The following RAP1A variants were observed in gnomAD, a reference collection of about 807,000 sequenced individuals.
The protein encoded by RAP1A is RAP1A, member of RAS oncogene family.
In RAP1A, 6 loss-of-function variants were observed where a neutral mutation model predicts 26.4. The observed-to-expected ratio is 0.23, with a 90% CI of 0.12 to 0.45. The LOEUF (loss-of-function observed/expected upper bound fraction) is 0.45, where lower values mean the gene tolerates loss of function less well. RAP1A is among the 20% of genes least tolerant of loss of function. The pLI is 0.99. For synonymous variants in RAP1A, 73 were observed against 79.4 expected (o/e 0.92, Z 0.43); for missense variants, 121 against 217.2 (o/e 0.56, Z 2.78).
intron 5 of RAP1A, among the ~76,000 whole-genome samples, chr1:111,704,118 T>C (rs190390984): frequency 1.1e-3 from 174 of 152,064 alleles, no homozygotes; most frequent in Middle Eastern, 0.01. Context: ...TTAAAATAAT[T>C]TGGCATATCT....
intron 1 of RAP1A, among the ~76,000 whole-genome samples, chr1:111,624,943 T>C (rs986572923): frequency 4.6e-5 from 7 of 152,218 alleles, no homozygotes; most frequent in Admixed American, 4.6e-4. Flanking sequence ...AAAAATTCTT[T>C]ATAAATCACT....
At chr1:111,645,499 A>G (rs952956342) in intron 1 of RAP1A, among the ~76,000 whole-genome samples, 5 of 152,218 alleles carry the variant, frequency 3.3e-5, no homozygotes, top group African/African-American at 1.2e-4. Context: ...CCACCAATGA[A>G]GAGAAAGTTT....
rs1406923468 is a variant in RAP1A, at chr1:111,712,591, G to A, written c.*190G>A. The A allele has an allele frequency of 3.3e-5, 5 of 152,458 alleles. No homozygotes were observed. The highest frequency in any genetic ancestry group is 7.4e-5 in the Non-Finnish European group (5 of 67,912). 9.4% of individuals were successfully genotyped at this position (152,458 alleles called of 1,614,324 possible). Reference sequence around the variant, plus strand: ...TCCCTGGAGAAAAAAATTGCTCTGTGTATATCTCTTGGAAAATAAGACAAT... The same window carrying A: ...TCCCTGGAGAAAAAAATTGCTCTGTATATATCTCTTGGAAAATAAGACAAT... On this transcript the variant is annotated 3_prime_UTR_variant, in exon 8 of 8. Coordinates refer to ENST00000369709, the MANE Select transcript of RAP1A (RefSeq NM_002884.4).
At chr1:111,673,583 T>C (rs922259824) in intron 1 of RAP1A, among the ~76,000 whole-genome samples, 8 of 152,318 alleles carry the variant, frequency 5.3e-5, no homozygotes, top group Non-Finnish European at 1.2e-4. Flanking sequence ...GACTCAGAAT[T>C]GACTTAAAAT....
intron 1 of RAP1A, among the ~76,000 whole-genome samples, chr1:111,620,546 T>C (rs1444002914): frequency 6.6e-6 from 1 of 152,180 alleles, no homozygotes; most frequent in African/African-American, 2.4e-5. Context: ...CCGGGCTCAC[T>C]TCTGTCAGGG....
intron 1 of RAP1A, among the ~76,000 whole-genome samples, chr1:111,593,791 C>T (rs1399401799): frequency 5.4e-5 from 8 of 147,524 alleles, no homozygotes; most frequent in Admixed American, 4.2e-4. Context: ...TAATCTGTCA[C>T]AAAAAAAACC....
intron 1 of RAP1A, among the ~76,000 whole-genome samples, chr1:111,634,139 A>G (rs561121638): frequency 6.6e-6 from 1 of 152,342 alleles, no homozygotes; most frequent in South Asian, 2.1e-4. Flanking sequence ...AAGTTTTTTA[A>G]TAGTGCAAAG....
At chr1:111,619,711 C>A (rs987842711), upstream of RAP1A, 8 of 392,898 alleles carry the variant, frequency 2.0e-5, no homozygotes, top group Admixed American at 2.7e-4. Flanking sequence ...GCCCAGCCAT[C>A]GCCAACTTGG....
rs1042446568 is a variant in RAP1A, at chr1:111,576,614, C to A, written c.-28+34105C>A. ...TTCCCTACCTTAATAAGTACAGGGG[C>A]GGCATTTGCTGCTCCTCTGGAAGGG... On this transcript the variant is annotated intron_variant, in intron 1 of 7. Coordinates refer to the RAP1A transcript ENST00000356415. 8.5e-5 allele frequency among the ~76,000 whole-genome samples: 13 copies of A among 152,294 alleles called. 1 individual carries two copies. The highest frequency in any genetic ancestry group is 3.1e-4 in the African/African-American group (13 of 41,556).
In RAP1A at chr1:111,709,187, A is replaced by G; in HGVS notation, c.507A>G (p.Thr169=). ...TGGTCAGACAGATAAATAGGAAAAC[A>G]CCAGTGGAAAAGAAGAAGCCTAAAA... The part of the protein sequence containing the change: ...YDLVRQINRK[T]PVEKKKPKKK... The change falls in exon 7 of 8, where the codon ACA becomes ACG. Residue 169 remains threonine, a synonymous_variant. Transcript: ENST00000369709. 6.2e-7 allele frequency: 1 copy of G among 1,613,888 alleles called. No individual in the cohort carries two copies. Among genetic ancestry groups the G allele is most frequent in the Non-Finnish European group, 8.5e-7 (1 of 1,179,912 alleles).
At chr1:111,657,108 T>G (rs1227252543) in intron 1 of RAP1A, among the ~76,000 whole-genome samples, 37 of 152,106 alleles carry the variant, frequency 2.4e-4, no homozygotes, top group Admixed American at 2.4e-3. Context: ...TATGTCAAAA[T>G]TGCAAACTTC....
Position 111,714,273 on chromosome 1 carries a change from G to A in RAP1A, c.*1872G>A, listed in dbSNP as rs2101327653. ...GAACTTGAATGAAGTATTAGGGCCA[G>A]TTGTCAGGTCAGGGTGGCATCTTTT... On this transcript the variant is annotated 3_prime_UTR_variant, in exon 8 of 8. Transcript: ENST00000369709. 1 of 152,336 alleles carries A rather than the reference G, an allele frequency of 6.6e-6. No homozygotes were observed. Among genetic ancestry groups the A allele is most frequent in the South Asian group, 2.1e-4 (1 of 4,828 alleles). The allele number at this position is 152,336 out of a possible 1,614,324, so 9.4% of individuals were successfully genotyped here. A position where few individuals can be genotyped will look rare whatever the true frequency, so the allele number is the denominator to read the frequency against.
At chr1:111,618,265 C>T (rs1220290766), upstream of RAP1A, among the ~76,000 whole-genome samples, 1 of 152,142 alleles carries the variant, frequency 6.6e-6, no homozygotes, top group Non-Finnish European at 1.5e-5. Context: ...CTGTTTTCAT[C>T]AAGGTCATCA....
intron 1 of RAP1A, chr1:111,649,339 T>A (rs893195775): frequency 4.7e-5 from 19 of 404,840 alleles, no homozygotes; most frequent in African/African-American, 4.0e-4. Context: ...CTCCTCATTC[T>A]GGATGCCTCC....
chr1:111,663,158 C>T (rs1332331684), intron 1 of RAP1A, among the ~76,000 whole-genome samples: 3 of 152,126 alleles, frequency 2.0e-5, no homozygotes, highest in African/African-American at 4.8e-5. Context: ...ATGATCCACC[C>T]GCCTTGGCCT....
At chr1:111,674,237 A>T (rs1006586126) in intron 1 of RAP1A, among the ~76,000 whole-genome samples, 6 of 152,088 alleles carry the variant, frequency 3.9e-5, no homozygotes, top group African/African-American at 1.4e-4. Flanking sequence ...CTTTTACGTG[A>T]AATATATGCT....
chr1:111,632,444 A>G (rs1466162590), intron 1 of RAP1A, among the ~76,000 whole-genome samples: 1 of 152,186 alleles, frequency 6.6e-6, no homozygotes, highest in Non-Finnish European at 1.5e-5. Flanking sequence ...AGTAAGGTTG[A>G]GAAAGGAACG....
intron 1 of RAP1A, among the ~76,000 whole-genome samples, chr1:111,594,487 G>C (rs1206380126): frequency 7.1e-6 from 1 of 140,066 alleles, no homozygotes; most frequent in African/African-American, 2.9e-5. Flanking sequence ...ACGGAAGGAA[G>C]GAAGGAAGGA....
At chr1:111,670,111 T>C (rs779857777) in intron 1 of RAP1A, among the ~76,000 whole-genome samples, 1 of 152,162 alleles carries the variant, frequency 6.6e-6, no homozygotes, top group African/African-American at 2.4e-5. Context: ...CTAAGAAAGA[T>C]TCCAAAAGAT....
Sources: allele counts gnomAD v4.1 joint callset (sites outside exome capture counted in the v4.1 genomes callset), GRCh38; gene constraint gnomAD v4.1.1; transcripts MANE v1.5; gene names NCBI Gene and HGNC (gene_info 2026-07-23, HGNC 2026-07-21).